The following CHMP3 variants were observed in gnomAD, a reference collection of about 807,000 sequenced individuals.
CHMP3 encodes the protein charged multivesicular body protein 3.
CHMP3 carries 8 observed loss-of-function variants against 27.4 expected under a neutral mutation model. That is an observed-to-expected ratio of 0.29 (90% CI 0.17 to 0.53). The LOEUF is 0.53. Among genes scored for constraint, CHMP3 ranks in the 20% least tolerant of loss-of-function variants. CHMP3 has a pLI of 0.96. For synonymous variants in CHMP3, 86 were observed against 85.5 expected (o/e 1.01, Z -0.03); for missense variants, 208 against 271.5 (o/e 0.77, Z 1.64).
intron 4 of CHMP3, among the ~76,000 whole-genome samples, chr2:86,508,645 G>A (rs1674978298): frequency 6.6e-6 from 1 of 152,118 alleles, no homozygotes; most frequent in Non-Finnish European, 1.5e-5. Context: ...TAGCAGCTCC[G>A]GCCCTGGCTC....
At chr2:86,508,899 C>T (rs1406160577) in intron 4 of CHMP3, among the ~76,000 whole-genome samples, 1 of 152,180 alleles carries the variant, frequency 6.6e-6, no homozygotes, top group Non-Finnish European at 1.5e-5. Context: ...GCAATAAATG[C>T]TTGCTAATTG....
At chr2:86,506,211 T>A (rs1674881449) in intron 5 of CHMP3, among the ~76,000 whole-genome samples, 1 of 152,226 alleles carries the variant, frequency 6.6e-6, no homozygotes, top group Admixed American at 6.5e-5. Context: ...CTGAAAACTT[T>A]AAATCTTCTT....
rs879504813 is a variant in CHMP3 at position 86,560,706 on chromosome 2, T to TA, written c.45+2597dup. 3.9e-3 allele frequency among the ~76,000 whole-genome samples: 536 copies of TA among 138,712 alleles called. 2 individuals carry two copies. The highest frequency in any genetic ancestry group is 6.0e-3 in the Non-Finnish European group (380 of 63,190). 91.0% of individuals were successfully genotyped at this position (138,712 alleles called of 152,430 possible). ...GTAACCCAGAACTTAAAGTATAATTTAAAAAAAAAAAAAAGAAAAGAGGTT... is the reference window on the plus strand; with the variant it reads ...GTAACCCAGAACTTAAAGTATAATTTAAAAAAAAAAAAAAAGAAAAGAGGTT... On this transcript the variant is annotated intron_variant, in intron 1 of 5. Coordinates refer to ENST00000263856, the MANE Select transcript of CHMP3 (RefSeq NM_016079.4).
chr2:86,550,415 A>C (rs1373707517), intron 1 of CHMP3, among the ~76,000 whole-genome samples: 1 of 136,036 alleles, frequency 7.4e-6, no homozygotes, highest in Non-Finnish European at 1.5e-5. Context: ...AGAGGGAGAA[A>C]GGGAGAGGGA....
intron 1 of CHMP3, among the ~76,000 whole-genome samples, chr2:86,553,382 A>T (rs1288662347): frequency 6.6e-6 from 1 of 152,158 alleles, no homozygotes; most frequent in Non-Finnish European, 1.5e-5. Context: ...GCCAGCCTGG[A>T]GTGCAGTGGC....
chr2:86,540,874 A>T (rs1676334645), intron 2 of CHMP3: 2 of 148,968 alleles, frequency 1.3e-5, no homozygotes, highest in Admixed American at 6.7e-5. Context: ...TATTTCTATT[A>T]CCTGGCTTTT....
In CHMP3 at chr2:86,563,394, G is replaced by A. The variant is rs745660723; in HGVS notation, c.-46C>T. On this transcript the variant is annotated 5_prime_UTR_variant, in exon 1 of 6. Coordinates refer to ENST00000263856, the MANE Select transcript of CHMP3 (RefSeq NM_016079.4). ...CCCCTTCCGGCTTTCAGTTCCCCGC[G>A]CCCAGGCAGGTCACGGGCAGCCGCC... 380 of 1,601,674 alleles carry A rather than the reference G, an allele frequency of 2.4e-4. No individual in the cohort carries two copies. Among genetic ancestry groups the A allele is most frequent in the Non-Finnish European group, 3.1e-4 (359 of 1,174,754 alleles).
At chr2:86,558,595 GGTACCAT>G (rs1387441221) in intron 1 of CHMP3, among the ~76,000 whole-genome samples, 1 of 152,136 alleles carries the variant, frequency 6.6e-6, no homozygotes, top group African/African-American at 2.4e-5. Context: ...TGGCCTAAAT[GGTACCAT>G]GTGTGACAAC....
At chr2:86,556,535 C>G (rs186129893) in intron 1 of CHMP3, among the ~76,000 whole-genome samples, 1 of 152,246 alleles carries the variant, frequency 6.6e-6, no homozygotes, top group Admixed American at 6.5e-5. Context: ...AAGGATTTGG[C>G]TGAAGGCAGC....
chr2:86,542,635 G>A (rs141814353), intron 1 of CHMP3, among the ~76,000 whole-genome samples: 39 of 152,280 alleles, frequency 2.6e-4, no homozygotes, highest in Admixed American at 4.6e-4. Context: ...TTAGCTTTAA[G>A]AGCATCAGAA....
chr2:86,551,842 C>A (rs748116773), intron 1 of CHMP3, among the ~76,000 whole-genome samples: 1 of 152,152 alleles, frequency 6.6e-6, no homozygotes, highest in Admixed American at 6.5e-5. Context: ...TCTATAAACA[C>A]CTTCATGATT....
chr2:86,526,680 C>A (rs56226737), intron 3 of CHMP3, among the ~76,000 whole-genome samples: 71,757 of 149,206 alleles, frequency 0.48, 17,949 homozygotes, highest in East Asian at 0.69. Context: ...CTCTCTCTCT[C>A]TCTATATATA....
At position 86,504,886 on chromosome 2, in the gene CHMP3, C is replaced by T. The variant is rs1414574321; in HGVS notation, c.*918G>A. The T allele has an allele frequency of 6.6e-6, 1 of 152,160 alleles. No homozygotes were observed. The highest frequency in any genetic ancestry group is 1.5e-5 in the Non-Finnish European group (1 of 68,026). 9.4% of individuals were successfully genotyped at this position (152,160 alleles called of 1,614,324 possible). ...CGCGTATGTCAAAGAGCTCTGTAAA[C>T]TCTCAACACATACAAAGTACTACTG... On this transcript the variant is annotated 3_prime_UTR_variant, in exon 6 of 6. Transcript: ENST00000263856.
At chr2:86,526,728 GTTGTT>G (rs1218831379) in intron 3 of CHMP3, among the ~76,000 whole-genome samples, 2 of 151,630 alleles carry the variant, frequency 1.3e-5, no homozygotes, top group Non-Finnish European at 2.9e-5. Context: ...TGTGGTTGCT[GTTGTT>G]TTGTTTTGTC....
intron 1 of CHMP3, among the ~76,000 whole-genome samples, chr2:86,543,844 CT>C (rs1408318655): frequency 1.3e-5 from 2 of 152,118 alleles, no homozygotes; most frequent in African/African-American, 4.8e-5. Flanking sequence ...GGTTTATGTA[CT>C]TTTTTTGGAA....
At chr2:86,544,925 AGCCGGGC>A (rs1676507860) in intron 1 of CHMP3, among the ~76,000 whole-genome samples, 1 of 118,680 alleles carries the variant, frequency 8.4e-6, no homozygotes, top group African/African-American at 3.2e-5. Flanking sequence ...CAGACGGGGC[AGCCGGGC>A]AGAGACGCTC....
At chr2:86,547,618 T>C (rs535731420) in intron 1 of CHMP3, among the ~76,000 whole-genome samples, 136 of 152,304 alleles carry the variant, frequency 8.9e-4, no homozygotes, top group Middle Eastern at 6.8e-3. Context: ...TTCAGGTGAC[T>C]ATAATGTTAT....
chr2:86,524,319 T>C (rs1266533213), intron 3 of CHMP3, among the ~76,000 whole-genome samples: 2 of 152,236 alleles, frequency 1.3e-5, no homozygotes. Context: ...GAAATCCATA[T>C]GTAAATACTT....
chr2:86,532,559 G>C (rs997617087), intron 2 of CHMP3, among the ~76,000 whole-genome samples: 3 of 152,054 alleles, frequency 2.0e-5, no homozygotes, highest in African/African-American at 7.2e-5. Context: ...TATTTTGATA[G>C]TCCCTGTGGT....
Sources: gnomAD v4.1 joint callset for allele counts (sites outside exome capture counted in the v4.1 genomes callset) on GRCh38, gnomAD v4.1.1 for gene constraint, MANE v1.5 for transcripts, NCBI Gene and HGNC (gene_info 2026-07-23, HGNC 2026-07-21) for gene names.